Variants in KCNK1 observed in about 807,000 individuals in gnomAD.
KCNK1 encodes potassium two pore domain channel subfamily K member 1.
KCNK1 carries 10 observed loss-of-function variants against 22.2 expected under a neutral mutation model. That is an observed-to-expected ratio of 0.45 (90% CI 0.28 to 0.76). The LOEUF (loss-of-function observed/expected upper bound fraction) is 0.76, where lower values mean the gene tolerates loss of function less well. Among genes scored for constraint, KCNK1 ranks in the 30% least tolerant of loss-of-function variants. KCNK1 has a pLI of 0.14. For synonymous variants in KCNK1, 200 were observed against 186.4 expected, an observed-to-expected ratio of 1.07 and a Z score of -0.60; for missense variants, 378 against 421.0, an observed-to-expected ratio of 0.90 and a Z score of 0.89.
intron 1 of KCNK1, among the ~76,000 whole-genome samples, chr1:233,665,008 C>A (rs986645271): frequency 2.0e-5 from 3 of 152,196 alleles, no homozygotes; most frequent in Non-Finnish European, 4.4e-5. Flanking sequence ...AGGCCCCATG[C>A]CCAGCTGGGT....
chr1:233,623,996 CATGTT>C (rs939245792), intron 1 of KCNK1, among the ~76,000 whole-genome samples: 1 of 152,072 alleles, frequency 6.6e-6, no homozygotes, highest in African/African-American at 2.4e-5. Context: ...GAGAGTAAAA[CATGTT>C]AGGTTTCATT....
intron 1 of KCNK1, among the ~76,000 whole-genome samples, chr1:233,618,621 C>T (rs1454602396): frequency 6.6e-6 from 1 of 152,162 alleles, no homozygotes; most frequent in Non-Finnish European, 1.5e-5. Context: ...CGCGGTGGCT[C>T]ACGCCTGTAA....
intron 1 of KCNK1, among the ~76,000 whole-genome samples, chr1:233,635,399 T>C (rs1273107275): frequency 6.6e-6 from 1 of 152,208 alleles, no homozygotes; most frequent in Non-Finnish European, 1.5e-5. Context: ...AGATAGTCTT[T>C]GTCTAAAGGC....
intron 1 of KCNK1, among the ~76,000 whole-genome samples, chr1:233,625,929 C>T (rs1307445256): frequency 6.6e-6 from 1 of 152,020 alleles, no homozygotes; most frequent in Non-Finnish European, 1.5e-5. Context: ...GGAGCAGATG[C>T]TGTAGGATGT....
chr1:233,667,097 G>A, intron 2 of KCNK1, 107 bp downstream of exon 2: 1 of 924,532 alleles, frequency 1.1e-6, no homozygotes. Context: ...AGGCTGGAGT[G>A]CAGTGGTGCG....
chr1:233,641,259 A>G (rs1038630272), intron 1 of KCNK1, among the ~76,000 whole-genome samples: 2 of 152,148 alleles, frequency 1.3e-5, no homozygotes, highest in Admixed American at 6.5e-5. Context: ...GCCAGAGCAC[A>G]CCACCTTCTA....
intron 1 of KCNK1, among the ~76,000 whole-genome samples, chr1:233,656,585 A>G (rs1285067285): frequency 6.6e-6 from 1 of 152,214 alleles, no homozygotes; most frequent in African/African-American, 2.4e-5. Context: ...GCTTTCACAC[A>G]AGGGTGACAA....
chr1:233,652,348 C>T (rs761923543), intron 1 of KCNK1, among the ~76,000 whole-genome samples: 18 of 152,014 alleles, frequency 1.2e-4, no homozygotes, highest in African/African-American at 3.6e-4. Flanking sequence ...TCTTCCTTAC[C>T]GCTACCCCTG....
Position 233,623,688 on chromosome 1 carries a change from G to C in KCNK1, c.355+9162G>C, listed in dbSNP as rs371346306. 1.3e-3 allele frequency among the ~76,000 whole-genome samples: 191 copies of C among 152,242 alleles called. 1 individual carries two copies. Among genetic ancestry groups the C allele is most frequent in the South Asian group, 7.1e-3 (34 of 4,822 alleles). ...GCTGCAACCTCCACCTCCCAGGTTCGAGTGATTCTCCTGCCTCAGCCTCCT... is the reference window on the plus strand; with the variant it reads ...GCTGCAACCTCCACCTCCCAGGTTCCAGTGATTCTCCTGCCTCAGCCTCCT... On this transcript the variant is annotated intron_variant, in intron 1 of 2. Transcript: ENST00000366621.
At chr1:233,623,227 A>T (rs576911238) in intron 1 of KCNK1, among the ~76,000 whole-genome samples, 1 of 152,198 alleles carries the variant, frequency 6.6e-6, no homozygotes, top group African/African-American at 2.4e-5. Flanking sequence ...GCAAGAAAAA[A>T]AAAAGGTTGG....
At chr1:233,657,700 GAAAT>G (rs1441343167) in intron 1 of KCNK1, among the ~76,000 whole-genome samples, 20 of 146,310 alleles carry the variant, frequency 1.4e-4, no homozygotes, top group African/African-American at 4.4e-4. Context: ...GAAAGAAAGA[GAAAT>G]AAAGAAAGAA....
At chr1:233,639,176 C>T (rs1657962592) in intron 1 of KCNK1, among the ~76,000 whole-genome samples, 1 of 152,194 alleles carries the variant, frequency 6.6e-6, no homozygotes, top group Non-Finnish European at 1.5e-5. Flanking sequence ...GCTAACTGAC[C>T]TCACACAGTA....
intron 1 of KCNK1, among the ~76,000 whole-genome samples, chr1:233,641,168 T>C (rs1383044242): frequency 2.2e-4 from 34 of 152,174 alleles, no homozygotes; most frequent in Non-Finnish European, 1.5e-5. Context: ...ACTCTGTAGG[T>C]CCTTAGAGTA....
rs75504594 is a variant in KCNK1 at position 233,620,778 on chromosome 1, A to G, written c.355+6252A>G. Among the ~76,000 whole-genome samples, 993 of 152,304 alleles carry G rather than the reference A, an allele frequency of 6.5e-3. 38 individuals are homozygous for G. In the East Asian group the frequency reaches 0.11, roughly 16 times the overall value. On this transcript the variant is annotated intron_variant, in intron 1 of 2. Coordinates refer to ENST00000366621, the MANE Select transcript of KCNK1 (RefSeq NM_002245.4). ...ATAATATAAGAAATTACAGAGGGAAAGGCACAGCTATGGGGAAATAGACAT... is the reference window on the plus strand; with the variant it reads ...ATAATATAAGAAATTACAGAGGGAAGGGCACAGCTATGGGGAAATAGACAT...
In KCNK1 at chr1:233,621,027, G is replaced by A. The variant is rs78569072; in HGVS notation, c.355+6501G>A. 6.5e-3 allele frequency among the ~76,000 whole-genome samples: 990 copies of A among 152,276 alleles called. 36 individuals carry two copies. The East Asian group carries it at 0.1, about 16-fold the overall frequency. On this transcript the variant is annotated intron_variant, in intron 1 of 2. Coordinates refer to ENST00000366621, the MANE Select transcript of KCNK1 (RefSeq NM_002245.4). Reference sequence around the variant, plus strand: ...ACTTCTCTACTTAGGTCCCAAAGCCGGAAGTGACATGGTCTTAATTTGAAT... The same window carrying A: ...ACTTCTCTACTTAGGTCCCAAAGCCAGAAGTGACATGGTCTTAATTTGAAT...
intron 1 of KCNK1, among the ~76,000 whole-genome samples, chr1:233,627,811 T>C (rs74962165): frequency 6.6e-6 from 1 of 152,114 alleles, no homozygotes; most frequent in Non-Finnish European, 1.5e-5. Flanking sequence ...TTTAAGAAAG[T>C]TGGGGAGCAC....
At chr1:233,628,043 C>T (rs572824623) in intron 1 of KCNK1, among the ~76,000 whole-genome samples, 28 of 152,338 alleles carry the variant, frequency 1.8e-4, no homozygotes, top group African/African-American at 6.3e-4. Flanking sequence ...GATGTCTGGG[C>T]TGTGTCTCAT....
chr1:233,670,517 T>C lies in KCNK1; in HGVS notation c.752-754T>C, dbSNP rs1006361068. 2.0e-5 allele frequency among the ~76,000 whole-genome samples: 3 copies of C among 152,282 alleles called. No homozygotes were observed. In the East Asian group the frequency reaches 5.8e-4, roughly 29 times the overall value. ...CCATGTGGCTAGGGAAGCCTCACAA[T>C]CATGGTGGAAGGCAAGGAGGAGGAA... On this transcript the variant is annotated intron_variant, in intron 2 of 2. Transcript: ENST00000366621.
At chr1:233,649,980 T>C (rs781154683) in intron 1 of KCNK1, 10 of 533,352 alleles carry the variant, frequency 1.9e-5, no homozygotes, top group Non-Finnish European at 3.5e-5. Context: ...TAGAAGATTG[T>C]TGAATCTGGC....
Sources: gnomAD v4.1 joint callset for allele counts (sites outside exome capture counted in the v4.1 genomes callset) on GRCh38, gnomAD v4.1.1 for gene constraint, MANE v1.5 for transcripts, NCBI Gene and HGNC (gene_info 2026-07-23, HGNC 2026-07-21) for gene names.